Variants in LHFPL6 observed in about 807,000 individuals in gnomAD.
LHFPL6 encodes the protein LHFPL tetraspan subfamily member 6 protein.
Under a neutral mutation model 20.6 loss-of-function variants are expected in LHFPL6, and 9 were observed. The ratio of observed to expected loss-of-function variants is 0.44; its 90% confidence interval spans 0.26 to 0.76. The LOEUF (loss-of-function observed/expected upper bound fraction) is 0.76, where lower values mean the gene tolerates loss of function less well. LHFPL6 is among the 30% of genes least tolerant of loss of function. The probability of loss-of-function intolerance (pLI) is 0.20; values close to 1 mark genes in which losing one functional copy is unlikely to be tolerated. For missense variants in LHFPL6, 218 were observed against 253.5 expected (o/e 0.86, Z 0.95); for synonymous variants, 105 against 98.7 (o/e 1.06, Z -0.38).
intron 2 of LHFPL6, among the ~76,000 whole-genome samples, chr13:39,421,677 T>C (rs1437552235): frequency 2.6e-5 from 4 of 152,182 alleles, no homozygotes; most frequent in South Asian, 2.1e-4. Flanking sequence ...GAGAAATTAA[T>C]GGGGACTATT....
At chr13:39,510,141 A>G (rs1869638116) in intron 2 of LHFPL6, among the ~76,000 whole-genome samples, 2 of 152,342 alleles carry the variant, frequency 1.3e-5, no homozygotes, top group Non-Finnish European at 2.9e-5. Context: ...AATGAGGCGT[A>G]ATGATAAATA....
chr13:39,477,253 C>T (rs754735373), intron 2 of LHFPL6, among the ~76,000 whole-genome samples: 6 of 152,102 alleles, frequency 3.9e-5, no homozygotes, highest in Non-Finnish European at 7.4e-5. Flanking sequence ...CCATCTTTGT[C>T]GGGTTCTCTC....
intron 2 of LHFPL6, among the ~76,000 whole-genome samples, chr13:39,547,523 T>C (rs1159414891): frequency 3.3e-5 from 5 of 152,130 alleles, no homozygotes; most frequent in African/African-American, 1.2e-4. Context: ...CTTAAATTCA[T>C]GATTATTATT....
At chr13:39,433,798 C>T (rs764462758) in intron 2 of LHFPL6, among the ~76,000 whole-genome samples, 1 of 152,146 alleles carries the variant, frequency 6.6e-6, no homozygotes, top group Non-Finnish European at 1.5e-5. Flanking sequence ...ATAAGAATTC[C>T]TATCCATCCC....
chr13:39,453,575 AAGT>A (rs1230156249), intron 2 of LHFPL6, among the ~76,000 whole-genome samples: 1 of 152,232 alleles, frequency 6.6e-6, no homozygotes, highest in Non-Finnish European at 1.5e-5. Flanking sequence ...TTGGCAAGGC[AAGT>A]ATTAGTACCC....
At chr13:39,388,523 C>T (rs938406115) in intron 2 of LHFPL6, among the ~76,000 whole-genome samples, 2 of 152,150 alleles carry the variant, frequency 1.3e-5, no homozygotes, top group African/African-American at 4.8e-5. Flanking sequence ...ACCTTTCTAA[C>T]CCCAGTAGTT....
chr13:39,451,897 GA>G (rs1872453672), intron 2 of LHFPL6, among the ~76,000 whole-genome samples: 1 of 152,106 alleles, frequency 6.6e-6, no homozygotes, highest in South Asian at 2.1e-4. Flanking sequence ...TAAAACTATA[GA>G]AAGCAGAAGT....
intron 2 of LHFPL6, among the ~76,000 whole-genome samples, chr13:39,562,359 T>C (rs78474860): frequency 8.6e-5 from 6 of 69,672 alleles, no homozygotes; most frequent in South Asian, 5.8e-4. Flanking sequence ...TACATATATA[T>C]ACATATACAT....
chr13:39,449,773 G>A (rs7998182), intron 2 of LHFPL6, among the ~76,000 whole-genome samples: 81,466 of 151,084 alleles, frequency 0.54, 22,819 homozygotes, highest in East Asian at 0.89. Flanking sequence ...CGATATCTGT[G>A]ACTCAGTTGC....
intron 2 of LHFPL6, among the ~76,000 whole-genome samples, chr13:39,582,255 T>A (rs1872310589): frequency 6.6e-6 from 1 of 152,248 alleles, no homozygotes; most frequent in Non-Finnish European, 1.5e-5. Flanking sequence ...TCACGTCGAC[T>A]GCATTTCTCA....
intron 2 of LHFPL6, among the ~76,000 whole-genome samples, chr13:39,517,478 A>G (rs9548789): frequency 0.086 from 13,047 of 152,224 alleles, 639 homozygotes; most frequent in East Asian, 0.25. Flanking sequence ...ATTAATCCAG[A>G]CATCATCCTT....
rs926003924 is a variant in LHFPL6 at position 39,551,210 on chromosome 13, C to T, written c.385+49622G>A. 3.9e-5 allele frequency among the ~76,000 whole-genome samples: 6 copies of T among 152,250 alleles called. 1 individual carries two copies. The highest frequency in any genetic ancestry group is 2.0e-4 in the Admixed American group (3 of 15,302). On this transcript the variant is annotated intron_variant, in intron 2 of 3. Transcript: ENST00000379589. ...ACAGGTGCCTATTCAGCTCATGGCT[C>T]TGGAGGCTGGCAAGTCCAAGAGCAT... is the stretch of plus-strand genomic sequence containing the variant.
chr13:39,433,429 A>G (rs1322598974), intron 2 of LHFPL6, among the ~76,000 whole-genome samples: 2 of 152,234 alleles, frequency 1.3e-5, no homozygotes, highest in African/African-American at 4.8e-5. Context: ...TATATAAAGT[A>G]AAGAGCATGT....
intron 2 of LHFPL6, among the ~76,000 whole-genome samples, chr13:39,587,484 CA>C (rs1362823523): frequency 6.6e-6 from 1 of 152,066 alleles, no homozygotes; most frequent in East Asian, 1.9e-4. Flanking sequence ...GGACCCTGGA[CA>C]TTCCTAGATT....
At chr13:39,502,463 TAA>T (rs56675734) in intron 2 of LHFPL6, among the ~76,000 whole-genome samples, 419 of 143,406 alleles carry the variant, frequency 2.9e-3, no homozygotes, top group Admixed American at 3.8e-3. Flanking sequence ...TACAAAAAAT[TAA>T]AAAAAAAAAA....
At chr13:39,367,944 T>C (rs1037512597) in intron 3 of LHFPL6, among the ~76,000 whole-genome samples, 1 of 152,226 alleles carries the variant, frequency 6.6e-6, no homozygotes, top group African/African-American at 2.4e-5. Flanking sequence ...AATTAAGTAT[T>C]AATAACATCT....
At chr13:39,522,933 G>T (rs1170465746) in intron 2 of LHFPL6, among the ~76,000 whole-genome samples, 1 of 152,198 alleles carries the variant, frequency 6.6e-6, no homozygotes, top group Non-Finnish European at 1.5e-5. Context: ...CAACCTTAAA[G>T]AATGGGTTGA....
intron 2 of LHFPL6, among the ~76,000 whole-genome samples, chr13:39,524,844 A>G (rs532246235): frequency 2.0e-5 from 3 of 152,364 alleles, no homozygotes; most frequent in African/African-American, 7.2e-5. Context: ...ATGAGGAAAT[A>G]GAAAATTGCA....
chr13:39,394,369 G>A (rs1205634531), intron 2 of LHFPL6, among the ~76,000 whole-genome samples: 2 of 152,150 alleles, frequency 1.3e-5, no homozygotes, highest in African/African-American at 2.4e-5. Flanking sequence ...CTGGGGAGTA[G>A]GGCTTCAACA....
Sources: allele counts gnomAD v4.1 joint callset (sites outside exome capture counted in the v4.1 genomes callset), GRCh38; gene constraint gnomAD v4.1.1; transcripts MANE v1.5; gene names NCBI Gene and HGNC (gene_info 2026-07-23, HGNC 2026-07-21).